Variants in RAD54L2 observed in about 807,000 individuals in gnomAD.
The protein encoded by RAD54L2 is RAD54 like 2.
RAD54L2 carries 27 observed loss-of-function variants against 138.4 expected under a neutral mutation model. That is an observed-to-expected ratio of 0.20 (90% CI 0.14 to 0.27). RAD54L2 has a LOEUF of 0.27. RAD54L2 is among the 10% of genes least tolerant of loss of function. The pLI is 1.00. For synonymous variants in RAD54L2, 644 were observed against 723.2 expected (o/e 0.89, Z 1.76); for missense variants, 1,396 against 1,890.2 (o/e 0.74, Z 4.85).
chr3:51,600,966 AAAAAAC>A lies in RAD54L2; in HGVS notation c.139+10424_139+10429del, dbSNP rs547676988. Among the ~76,000 whole-genome samples, 251 of 152,276 alleles carry A rather than the reference AAAAAAC, an allele frequency of 1.6e-3. 2 individuals carry two copies. The highest frequency in any genetic ancestry group is 5.2e-3 in the African/African-American group (217 of 41,572). Reference sequence around the variant, plus strand: ...TCAGTGACAGTGAGACTCCATCTCAAAAAAACAAAAACAAAAACAAAACCCACCTAT... The same window carrying A: ...TCAGTGACAGTGAGACTCCATCTCAAAAAAACAAAAACAAAACCCACCTAT... On this transcript the variant is annotated intron_variant, in intron 3 of 22. Transcript: ENST00000684192.
chr3:51,618,160 G>C (rs1700491340), intron 3 of RAD54L2, among the ~76,000 whole-genome samples: 1 of 148,890 alleles, frequency 6.7e-6, no homozygotes, highest in Admixed American at 6.7e-5. Flanking sequence ...TTTTTAAGTG[G>C]AGACAGGGTT....
At chr3:51,641,407 C>A (rs916132668) in intron 14 of RAD54L2, among the ~76,000 whole-genome samples, 1 of 152,034 alleles carries the variant, frequency 6.6e-6, no homozygotes, top group Admixed American at 6.6e-5. Flanking sequence ...GCCTCCGCCT[C>A]CTGGGTTCAA....
At chr3:51,612,863 A>G (rs571354141) in intron 3 of RAD54L2, among the ~76,000 whole-genome samples, 20 of 152,310 alleles carry the variant, frequency 1.3e-4, no homozygotes, top group African/African-American at 4.8e-4. Context: ...TTTGGATTTT[A>G]AAAGTTTGGA....
Position 51,538,751 on chromosome 3 carries a change from G to A in RAD54L2, c.-281G>A, listed in dbSNP as rs1029821982. Among the ~76,000 whole-genome samples, 27 of 152,040 alleles carry A rather than the reference G, an allele frequency of 1.8e-4. No homozygotes were observed. Among genetic ancestry groups the A allele is most frequent in the African/African-American group, 6.0e-4 (25 of 41,534 alleles). ...AGCGCCGCCGCCGGTGGAGACCGAC[G>A]CTTGGCCAGAGCCAGCCCGCGGCGC... On this transcript the variant is annotated 5_prime_UTR_variant, in exon 1 of 23. Coordinates refer to ENST00000684192, the MANE Select transcript of RAD54L2 (RefSeq NM_015106.4).
At chr3:51,545,255 G>A (rs1437129013) in intron 2 of RAD54L2, among the ~76,000 whole-genome samples, 1 of 152,018 alleles carries the variant, frequency 6.6e-6, no homozygotes, top group Non-Finnish European at 1.5e-5. Flanking sequence ...GCAGTGGTGT[G>A]ATCTCAGCTC....
At chr3:51,608,420 G>T (rs564790278) in intron 3 of RAD54L2, among the ~76,000 whole-genome samples, 1 of 152,174 alleles carries the variant, frequency 6.6e-6, no homozygotes, top group Admixed American at 6.5e-5. Context: ...CTTCCTAGAC[G>T]GGGTGGCGGC....
intron 3 of RAD54L2, among the ~76,000 whole-genome samples, chr3:51,595,936 C>CT (rs200140512): frequency 0.014 from 1,800 of 128,290 alleles, 39 homozygotes; most frequent in Non-Finnish European, 0.016. Flanking sequence ...ATTCAGTCTT[C>CT]TTTTTTTTTT....
intron 12 of RAD54L2, 156 bp from the exon 13 acceptor site, chr3:51,639,263 G>T (rs1701064974): frequency 1.3e-6 from 1 of 787,718 alleles, no homozygotes; most frequent in Non-Finnish European, 2.0e-6. Flanking sequence ...AAATATGCAG[G>T]CCCTTTGGCT....
intron 2 of RAD54L2, among the ~76,000 whole-genome samples, chr3:51,588,468 G>GAAAAC (rs759858982): frequency 2.0e-5 from 3 of 149,446 alleles, no homozygotes; most frequent in Non-Finnish European, 4.4e-5. Flanking sequence ...CCAGGAGGTG[G>GAAAAC]AGGTTGCAGT....
rs753805359 is a variant in RAD54L2, at chr3:51,639,377, G to GT, written c.1861-36dup. On this transcript the variant is annotated intron_variant, in intron 12 of 22. Coordinates refer to ENST00000684192, the MANE Select transcript of RAD54L2 (RefSeq NM_015106.4). ...AGACTCCCTGGGACACCCTTGGAAT[G>GT]TTTTTTGTCCTGTGTCTCCTCTCCC... 4.4e-6 allele frequency: 7 copies of GT among 1,606,110 alleles called. No homozygotes were observed. The African/African-American group carries it at 5.4e-5, about 12-fold the overall frequency.
chr3:51,653,838 G>A (rs1038155219), intron 19 of RAD54L2, among the ~76,000 whole-genome samples: 3 of 152,094 alleles, frequency 2.0e-5, no homozygotes, highest in Non-Finnish European at 4.4e-5. Context: ...GTTAAATGAC[G>A]AGTTAATGGG....
rs781160738 is a variant in RAD54L2, at chr3:51,662,517, C to T, written c.3501C>T (p.Pro1167=). Residue 1167 remains proline, a synonymous_variant, in exon 23 of 23, where the codon CCC becomes CCT. Coordinates refer to ENST00000684192, the MANE Select transcript of RAD54L2 (RefSeq NM_015106.4). The surrounding 1 kb of genome is among the most constrained non-coding windows in gnomAD (Gnocchi z 4.6). ...CCGACCCTGAGGGGCTGGCCAGGCC[C>T]GTCTCTCCTGACAGCCCAGAGATCA... ...KAPDPEGLAR[P]VSPDSPEIIS... The T allele has an allele frequency of 3.7e-6, 6 of 1,613,012 alleles. No homozygotes were observed. Among genetic ancestry groups the T allele is most frequent in the South Asian group, 1.1e-5 (1 of 90,926 alleles).
Position 51,557,830 on chromosome 3 carries a change from CAAA to C in RAD54L2, c.-55+16202_-55+16204del, listed in dbSNP as rs1166273906. On this transcript the variant is annotated intron_variant, in intron 2 of 22. Transcript: ENST00000684192. ...GGGTAACAAGAGGGAAACTCCATCT[CAAA>C]AAAAAAAAAAAAAAAAAAAAAGAAC... 5.9e-4 allele frequency among the ~76,000 whole-genome samples: 19 copies of C among 32,222 alleles called. No homozygotes were observed. In the East Asian group the frequency reaches 7.9e-3, roughly 13 times the overall value. The allele number at this position is 32,222 out of a possible 152,430, so 21.1% of individuals were successfully genotyped here. A position where few individuals can be genotyped will look rare whatever the true frequency, so the allele number is the denominator to read the frequency against.
Position 51,663,305 on chromosome 3 carries a change from G to A in RAD54L2, c.4289G>A (p.Gly1430Asp). Residue 1430 changes from glycine (G) to aspartate (D), a missense_variant, in exon 23 of 23, where the codon GGC (glycine) becomes GAC (aspartate). Physicochemically the swap from Gly to Asp is moderately conservative, Grantham distance 94. Coordinates refer to ENST00000684192, the MANE Select transcript of RAD54L2 (RefSeq NM_015106.4). ...MSPHAGYPAG[G>D]LLRSQVPPFD... ...CCACATGCAGGCTACCCAGCTGGTG[G>A]CCTCCTACGGTCCCAGGTGCCTCCA... 1 of 1,613,924 alleles carries A rather than the reference G, an allele frequency of 6.2e-7. No homozygotes were observed. The highest frequency in any genetic ancestry group is 8.5e-7 in the Non-Finnish European group (1 of 1,179,892).
At chr3:51,619,167 C>T (rs1577430001) in intron 3 of RAD54L2, among the ~76,000 whole-genome samples, 1 of 152,156 alleles carries the variant, frequency 6.6e-6, no homozygotes, top group Non-Finnish European at 1.5e-5. Flanking sequence ...AAGCAATTCT[C>T]CTGCCTCAGC....
In RAD54L2 at chr3:51,656,050, C is replaced by T. The variant is rs770556014; in HGVS notation, c.3106C>T (p.Arg1036Trp). Reference sequence around the variant, plus strand: ...GTCCACCCCCATCCCCATGATGCCCCGGCATGTCCCATTGGGAGGAAGTGT... The same window carrying T: ...GTCCACCCCCATCCCCATGATGCCCTGGCATGTCCCATTGGGAGGAAGTGT... The part of the protein sequence containing the change: ...VQSTPIPMMP[R>W]HVPLGGSVSS... Residue 1036 changes from arginine to tryptophan, a missense_variant, in exon 20 of 23, where the codon CGG becomes TGG. This residue lies in a region of RAD54L2 where 634 missense variants were observed against 711.2 expected (regional missense o/e 0.89). Transcript: ENST00000684192. 10 of 1,614,002 alleles carry T rather than the reference C, an allele frequency of 6.2e-6. No individual in the cohort carries two copies. The East Asian group carries it at 8.9e-5, about 14-fold the overall frequency.
chr3:51,631,074 A>G, intron 7 of RAD54L2, 143 bp downstream of exon 7: 1 of 783,140 alleles, frequency 1.3e-6, no homozygotes, highest in East Asian at 2.7e-5. Context: ...GAAAGACCTG[A>G]TACTTCCTTC....
rs1327660552 is a variant in RAD54L2, at chr3:51,646,431, T to G, written c.2976T>G (p.Pro992=). ...YTRPSYAQYY[P]ASDQSLTSIP... ...GCCCATCGTATGCGCAGTATTACCC[T>G]GCCAGCGATCAGAGCCTGACCAGCA... The change falls in exon 19 of 23, where the codon CCT becomes CCG. Residue 992 remains proline, a synonymous_variant. Transcript: ENST00000684192. 1 of 1,613,162 alleles carries G rather than the reference T, an allele frequency of 6.2e-7. No individual in the cohort carries two copies. The highest frequency in any genetic ancestry group is 8.5e-7 in the Non-Finnish European group (1 of 1,179,464).
At chr3:51,585,250 G>T (rs1699686352) in intron 2 of RAD54L2, among the ~76,000 whole-genome samples, 1 of 152,140 alleles carries the variant, frequency 6.6e-6, no homozygotes, top group Non-Finnish European at 1.5e-5. Flanking sequence ...ACAGAATTTA[G>T]TACTACTGAA....
Sources: gnomAD v4.1 joint callset for allele counts (sites outside exome capture counted in the v4.1 genomes callset) on GRCh38, gnomAD v4.1.1 for gene constraint, gnomAD v4.1.1 regional missense constraint, Gnocchi (gnomAD v3.1) non-coding constraint, MANE v1.5 for transcripts, NCBI Gene and HGNC (gene_info 2026-07-23, HGNC 2026-07-21) for gene names.